Variants in RNF144A observed in about 807,000 individuals in gnomAD.
RNF144A encodes E3 ubiquitin-protein ligase RNF144A.
In RNF144A, 11 loss-of-function variants were observed where a neutral mutation model predicts 38.7. The observed-to-expected ratio is 0.28, with a 90% CI of 0.18 to 0.47. The LOEUF (loss-of-function observed/expected upper bound fraction) is 0.47, where lower values mean the gene tolerates loss of function less well. Among genes scored for constraint, RNF144A ranks in the 20% least tolerant of loss-of-function variants. The probability of loss-of-function intolerance (pLI) is 0.99; values close to 1 mark genes in which losing one functional copy is unlikely to be tolerated. For synonymous variants in RNF144A, 149 were observed against 143.9 expected, an observed-to-expected ratio of 1.04 and a Z score of -0.25; for missense variants, 316 against 377.2, an observed-to-expected ratio of 0.84 and a Z score of 1.34.
intron 3 of RNF144A, 100 bp downstream of exon 3, chr2:6,997,161 C>T (rs985602951): frequency 7.5e-6 from 9 of 1,202,120 alleles, no homozygotes; most frequent in Admixed American, 7.2e-5. Flanking sequence ...CTACATTTTG[C>T]CTGACAGTGG....
chr2:6,947,145 ATTAT>A (rs1666389505), intron 2 of RNF144A, among the ~76,000 whole-genome samples: 8 of 152,176 alleles, frequency 5.3e-5, no homozygotes, highest in Non-Finnish European at 1.2e-4. Flanking sequence ...ATTGAGTCTT[ATTAT>A]ACATATAAGT....
Position 6,936,158 on chromosome 2 carries a change from C to T in RNF144A, c.-211-4790C>T, listed in dbSNP as rs190654635. On this transcript the variant is annotated intron_variant, in intron 1 of 8. Transcript: ENST00000320892. ...AGCATGTTCTTTCTCCGTACATTCT[C>T]ATGTCCTGCTTGCTCATTTCATCCA... Among the ~76,000 whole-genome samples the T allele has an allele frequency of 9.9e-4, 151 of 152,334 alleles. 2 individuals carry two copies. Among genetic ancestry groups the T allele is most frequent in the Admixed American group, 9.1e-3 (139 of 15,306 alleles).
intron 1 of RNF144A, among the ~76,000 whole-genome samples, chr2:6,932,129 T>A (rs892314063): frequency 1.3e-5 from 2 of 152,250 alleles, no homozygotes; most frequent in African/African-American, 4.8e-5. Flanking sequence ...CATTGTTATG[T>A]CTTGGAAAAT....
chr2:7,057,136 G>A (rs1673773384), intron 6 of RNF144A, among the ~76,000 whole-genome samples: 1 of 152,190 alleles, frequency 6.6e-6, no homozygotes, highest in Non-Finnish European at 1.5e-5. Flanking sequence ...GAGGTTTAAA[G>A]CTGTCATGCT....
At chr2:7,016,166 C>G (rs1396139555) in intron 5 of RNF144A, among the ~76,000 whole-genome samples, 1 of 147,224 alleles carries the variant, frequency 6.8e-6, no homozygotes, top group Non-Finnish European at 1.5e-5. Flanking sequence ...AAAAAAAACT[C>G]AAACAGCATT....
intron 6 of RNF144A, among the ~76,000 whole-genome samples, chr2:7,049,470 T>C (rs1673432076): frequency 6.6e-6 from 1 of 152,162 alleles, no homozygotes; most frequent in Non-Finnish European, 1.5e-5. Flanking sequence ...GTTTGCTGAT[T>C]TCACCTGGCA....
intron 3 of RNF144A, among the ~76,000 whole-genome samples, chr2:7,011,023 G>T (rs111761336): frequency 6.6e-6 from 1 of 152,200 alleles, no homozygotes; most frequent in Non-Finnish European, 1.5e-5. Flanking sequence ...GGTTCTCGGG[G>T]TTGACTGACA....
downstream of RNF144A, among the ~76,000 whole-genome samples, chr2:7,069,500 C>G (rs999446082): frequency 2.0e-5 from 3 of 152,122 alleles, no homozygotes; most frequent in African/African-American, 7.2e-5. Context: ...CATCCCCTGT[C>G]TCTTTGTTGT....
At chr2:6,945,379 A>G (rs1666267129) in intron 2 of RNF144A, among the ~76,000 whole-genome samples, 1 of 152,144 alleles carries the variant, frequency 6.6e-6, no homozygotes, top group African/African-American at 2.4e-5. Flanking sequence ...GCTCAGTTAC[A>G]GTTTTCTGGG....
Position 6,997,187 on chromosome 2 carries a change from G to A in RNF144A, c.135+126G>A, listed in dbSNP as rs1277050128. ...CTGACAGTGGAGTCTTCTTGTTGAG[G>A]CCTTCACACAGTTCTTGGAAGAATT... is the stretch of plus-strand genomic sequence containing the variant. On this transcript the variant is annotated intron_variant, in intron 3 of 8. Coordinates refer to ENST00000320892, the MANE Select transcript of RNF144A (RefSeq NM_014746.6). 3.2e-5 allele frequency: 25 copies of A among 785,448 alleles called. No homozygotes were observed. In the East Asian group the frequency reaches 6.3e-4, roughly 20 times the overall value. The allele number at this position is 785,448 out of a possible 1,614,324, so 48.7% of individuals were successfully genotyped here.
chr2:6,918,773 A>AAAAAAAAAT (rs1664332109), intron 1 of RNF144A: 1 of 149,850 alleles, frequency 6.7e-6, no homozygotes, highest in Non-Finnish European at 1.5e-5. Context: ...CAAAAAAAAA[A>AAAAAAAAAT]AAAAAAAAAA....
At chr2:6,953,196 G>C (rs1411223582) in intron 2 of RNF144A, among the ~76,000 whole-genome samples, 1 of 152,160 alleles carries the variant, frequency 6.6e-6, no homozygotes, top group African/African-American at 2.4e-5. Context: ...GGAGGCTGAA[G>C]CCGGTGGATC....
intron 8 of RNF144A, among the ~76,000 whole-genome samples, chr2:7,035,735 AAG>A (rs1262280118): frequency 2.0e-5 from 3 of 152,176 alleles, no homozygotes; most frequent in African/African-American, 4.8e-5. Flanking sequence ...AGATTATTCT[AAG>A]AGATTTGGGG....
intron 6 of RNF144A, chr2:7,062,599 G>T (rs2103480283): frequency 6.6e-6 from 1 of 151,868 alleles, no homozygotes. Context: ...GGACATTACA[G>T]CCCCAAGGTA....
chr2:7,052,761 G>A (rs1044537267), intron 6 of RNF144A, among the ~76,000 whole-genome samples: 8 of 151,948 alleles, frequency 5.3e-5, no homozygotes, highest in Admixed American at 1.3e-4. Context: ...CTCGTTTACC[G>A]AGGACCTTCC....
intron 5 of RNF144A, among the ~76,000 whole-genome samples, chr2:7,018,871 C>T (rs949248541): frequency 2.6e-5 from 4 of 151,658 alleles, no homozygotes; most frequent in Non-Finnish European, 4.4e-5. Flanking sequence ...CAGTTTTGTG[C>T]TGTTGATTAA....
chr2:7,017,226 GGTCCT>G (rs1434313735), intron 5 of RNF144A, among the ~76,000 whole-genome samples: 4 of 152,076 alleles, frequency 2.6e-5, no homozygotes, highest in African/African-American at 9.7e-5. Flanking sequence ...CAGGACTGTG[GGTCCT>G]CATGCCTTCG....
intron 8 of RNF144A, among the ~76,000 whole-genome samples, chr2:7,030,940 C>T (rs1367565095): frequency 1.3e-5 from 2 of 152,054 alleles, no homozygotes; most frequent in African/African-American, 4.8e-5. Context: ...GAGGCTGCAA[C>T]CCAGATCCCT....
chr2:6,980,078 G>T (rs1018743652), intron 2 of RNF144A, among the ~76,000 whole-genome samples: 4 of 152,058 alleles, frequency 2.6e-5, no homozygotes, highest in Non-Finnish European at 5.9e-5. Flanking sequence ...AACAGCCTGG[G>T]GGAAACTGCC....
Sources: allele counts gnomAD v4.1 joint callset (sites outside exome capture counted in the v4.1 genomes callset), GRCh38; gene constraint gnomAD v4.1.1; transcripts MANE v1.5; gene names NCBI Gene and HGNC (gene_info 2026-07-23, HGNC 2026-07-21).